The following SPAM1 variants were observed in gnomAD, a reference collection of about 807,000 sequenced individuals.
SPAM1 encodes the protein hyaluronidase PH-20.
Under a neutral mutation model 29.6 loss-of-function variants are expected in SPAM1, and 22 were observed. That is an observed-to-expected ratio of 0.74 (90% confidence interval 0.53 to 1.06). SPAM1 has a LOEUF of 1.06. Ranked by LOEUF, SPAM1 falls within the 50% of genes least tolerant of loss-of-function variation. The pLI is 0.00. For synonymous variants in SPAM1, 194 were observed against 204.6 expected (o/e 0.95, Z 0.44); for missense variants, 534 against 604.0 (o/e 0.88, Z 1.21).
intron 1 of SPAM1, among the ~76,000 whole-genome samples, chr7:123,927,524 G>C (rs1300309721): frequency 6.6e-6 from 1 of 152,128 alleles, no homozygotes. Context: ...GGTTTTGGGA[G>C]AAAGATGGGC....
intron 1 of SPAM1, among the ~76,000 whole-genome samples, chr7:123,941,875 T>C (rs577643104): frequency 6.0e-4 from 91 of 152,306 alleles, no homozygotes; most frequent in Non-Finnish European, 1.1e-3. Flanking sequence ...GGGCAGTTTA[T>C]TCCTAGACAG....
chr7:123,960,135 T>G (rs1792340069), downstream of SPAM1: 2 of 887,790 alleles, frequency 2.3e-6, no homozygotes, highest in Non-Finnish European at 3.3e-6. Context: ...TGACAAACAC[T>G]GCTATATTGT....
At position 123,955,482 on chromosome 7, in the gene SPAM1, G is replaced by A. The variant is rs1459258546; in HGVS notation, c.1044+396G>A. Among the ~76,000 whole-genome samples, 3 of 151,884 alleles carry A rather than the reference G, an allele frequency of 2.0e-5. No individual in the cohort carries two copies. The East Asian group carries it at 5.8e-4, about 29-fold the overall frequency. On this transcript the variant is annotated intron_variant, in intron 4 of 4. Transcript: ENST00000682466. ...ACCTTGTTGACTCAATAGGAAAGCT[G>A]TTGTATGGACATTGCTGAGTTGAAG...
At chr7:123,938,048 C>A (rs1478706312) in intron 1 of SPAM1, among the ~76,000 whole-genome samples, 1 of 150,982 alleles carries the variant, frequency 6.6e-6, no homozygotes, top group South Asian at 2.1e-4. Flanking sequence ...TGTTTGATTG[C>A]CTAAGACTTT....
intron 5 of SPAM1, among the ~76,000 whole-genome samples, chr7:123,968,114 A>C (rs1170712683): frequency 1.3e-5 from 2 of 151,998 alleles, no homozygotes; most frequent in Non-Finnish European, 2.9e-5. Context: ...TTCAAGAGTG[A>C]CCCAGAGGCA....
chr7:123,966,025 C>G (rs552916516), intron 5 of SPAM1, among the ~76,000 whole-genome samples: 1 of 151,866 alleles, frequency 6.6e-6, no homozygotes, highest in African/African-American at 2.4e-5. Context: ...GACCATCTGA[C>G]AAAGATCTAA....
At chr7:123,926,305 G>A (rs1807883649) in intron 1 of SPAM1, among the ~76,000 whole-genome samples, 2 of 151,948 alleles carry the variant, frequency 1.3e-5, no homozygotes, top group Admixed American at 6.6e-5. Context: ...AAATACCGAG[G>A]CCCTCAAATT....
At chr7:123,954,855 T>C in intron 3 of SPAM1, 142 bp from the exon 4 acceptor site, 2 of 625,606 alleles carry the variant, frequency 3.2e-6, no homozygotes, top group Non-Finnish European at 5.7e-6. Flanking sequence ...AGTAAGGCAA[T>C]GGCTGTGTAA....
Position 123,954,093 on chromosome 7 carries a change from C to G in SPAM1, c.523C>G (p.Gln175Glu), listed in dbSNP as rs746131722. The change falls in exon 3 of 5, where the codon CAA (glutamine) becomes GAA (glutamate). Residue 175 changes from glutamine to glutamate, a missense_variant. Gln to Glu is a conservative substitution (Grantham distance 29, BLOSUM62 2). Coordinates refer to ENST00000682466, the MANE Select transcript of SPAM1 (RefSeq NM_153189.3). ...TAGGTCTATTGAATTGGTTCAGCAA[C>G]AAAATGTACAACTTAGTCTCACAGA... Reference protein sequence around the residue: ...KNRSIELVQQQNVQLSLTEAT... With the variant: ...KNRSIELVQQENVQLSLTEAT... 1 of 1,612,942 alleles carries G rather than the reference C, an allele frequency of 6.2e-7. No individual in the cohort carries two copies. The highest frequency in any genetic ancestry group is 1.3e-5 in the African/African-American group (1 of 74,910).
In SPAM1 at chr7:123,959,813, T is replaced by C. The variant is rs144980797; in HGVS notation, c.1374T>C (p.Cys458=). Residue 458 remains cysteine (C), a synonymous_variant, in exon 5 of 5, where the codon TGT becomes TGC. Transcript: ENST00000682466. ...DVKDTDAVDV[C]IADGVCIDAF... is the part of the protein sequence containing the mutation. The stretch of plus-strand genomic sequence containing the variant: ...AAGACACTGATGCTGTTGATGTGTG[T>C]ATTGCTGATGGTGTCTGTATAGATG... The C allele has an allele frequency of 1.1e-5, 18 of 1,613,178 alleles. No individual in the cohort carries two copies. In the African/African-American group the frequency reaches 2.3e-4, roughly 20 times the overall value.
At position 123,953,776 on chromosome 7, in the gene SPAM1, A is replaced by C. The variant is rs772120234; in HGVS notation, c.206A>C (p.Asp69Ala). The change falls in exon 3 of 5, where the codon GAT becomes GCT. Residue 69 changes from aspartate to alanine, a missense_variant. Physicochemically the swap from Asp to Ala is moderately radical, Grantham distance 126. Coordinates refer to ENST00000682466, the MANE Select transcript of SPAM1 (RefSeq NM_153189.3). Reference sequence around the variant, plus strand: ...CTTGGAAAATTTGATGAGCCACTAGATATGAGCCTCTTCTCTTTCATAGGA... The same window carrying C: ...CTTGGAAAATTTGATGAGCCACTAGCTATGAGCCTCTTCTCTTTCATAGGA... ...FCLGKFDEPLDMSLFSFIGSP... is the reference protein window; with the variant it reads ...FCLGKFDEPLAMSLFSFIGSP... The C allele has an allele frequency of 1.2e-6, 2 of 1,612,836 alleles. No homozygotes were observed. Among genetic ancestry groups the C allele is most frequent in the Admixed American group, 1.7e-5 (1 of 59,750 alleles).
chr7:123,941,352 G>A (rs1441646175), intron 1 of SPAM1, among the ~76,000 whole-genome samples: 1 of 152,214 alleles, frequency 6.6e-6, no homozygotes, highest in East Asian at 1.9e-4. Flanking sequence ...ATCAATATGT[G>A]TAAGATGTAC....
intron 1 of SPAM1, among the ~76,000 whole-genome samples, chr7:123,936,420 C>G (rs1808245863): frequency 6.6e-6 from 1 of 152,124 alleles, no homozygotes; most frequent in Non-Finnish European, 1.5e-5. Context: ...TCCCTCAGAC[C>G]AGCTGGTATC....
chr7:123,957,058 T>C (rs1219960823), intron 4 of SPAM1, among the ~76,000 whole-genome samples: 1 of 152,036 alleles, frequency 6.6e-6, no homozygotes, highest in African/African-American at 2.4e-5. Context: ...AGAAAGCAAC[T>C]GCAATGTTAT....
intron 4 of SPAM1, among the ~76,000 whole-genome samples, chr7:123,957,677 C>T (rs1159493591): frequency 6.6e-6 from 1 of 151,998 alleles, no homozygotes; most frequent in African/African-American, 2.4e-5. Context: ...GGAATAAAAT[C>T]AAAGTGACAG....
intron 2 of SPAM1, among the ~76,000 whole-genome samples, chr7:123,951,271 A>G (rs1446798107): frequency 6.6e-6 from 1 of 152,036 alleles, no homozygotes; most frequent in African/African-American, 2.4e-5. Context: ...AATAAAGTCC[A>G]GTTTGTTCCA....
At chr7:123,934,782 C>T (rs1052833887) in intron 1 of SPAM1, among the ~76,000 whole-genome samples, 1 of 151,946 alleles carries the variant, frequency 6.6e-6, no homozygotes, top group Non-Finnish European at 1.5e-5. Flanking sequence ...AAGCTGGAAA[C>T]GTTGATCTTA....
intron 1 of SPAM1, among the ~76,000 whole-genome samples, chr7:123,938,665 A>G (rs1808331204): frequency 6.6e-6 from 1 of 152,226 alleles, no homozygotes; most frequent in Non-Finnish European, 1.5e-5. Context: ...TTTAGTAACT[A>G]TGACTTTGGC....
downstream of SPAM1, chr7:123,960,194 G>T: frequency 1.8e-6 from 1 of 561,276 alleles, no homozygotes; most frequent in Non-Finnish European, 2.9e-6. Flanking sequence ...GGAGTCAATA[G>T]CTTATGTAAA....
Sources: gnomAD v4.1 joint callset for allele counts (sites outside exome capture counted in the v4.1 genomes callset) on GRCh38, gnomAD v4.1.1 for gene constraint, MANE v1.5 for transcripts, NCBI Gene and HGNC (gene_info 2026-07-23, HGNC 2026-07-21) for gene names.